The following ANKRD36B variants were observed in gnomAD, a reference collection of about 807,000 sequenced individuals.
The protein encoded by ANKRD36B is ankyrin repeat domain-containing protein 36B.
A neutral mutation model predicts 135.7 loss-of-function variants in ANKRD36B; 37 were observed. That is an observed-to-expected ratio of 0.27 (90% CI 0.21 to 0.36). ANKRD36B has a LOEUF of 0.36. Ranked by LOEUF, ANKRD36B falls within the 10% of genes least tolerant of loss-of-function variation. The pLI is 1.00. For missense variants in ANKRD36B, 549 were observed against 1,037.1 expected, an observed-to-expected ratio of 0.53 and a Z score of 6.46; for synonymous variants, 179 against 348.1, an observed-to-expected ratio of 0.51 and a Z score of 5.41.
At chr2:97,553,399 C>T (rs1262985699) in intron 14 of ANKRD36B, 28 bp from the exon 15 acceptor site, 5 of 1,601,540 alleles carry the variant, frequency 3.1e-6, no homozygotes, top group African/African-American at 1.3e-5. Context: ...TACATAATCA[C>T]TCATATGTAA....
In ANKRD36B at chr2:97,585,076, C is replaced by T. The variant is rs752014958; in HGVS notation, c.318G>A (p.Leu106=). 1 of 1,612,970 alleles carries T rather than the reference C, an allele frequency of 6.2e-7. No individual in the cohort carries two copies. Among genetic ancestry groups the T allele is most frequent in the African/African-American group, 1.3e-5 (1 of 74,844 alleles). The change falls in exon 3 of 44, where the codon CTG becomes CTA. Residue 106 remains leucine (L), a synonymous_variant. Coordinates refer to ENST00000359901, the MANE Select transcript of ANKRD36B (RefSeq NM_001393939.1). ...LRQEACATLL[L]QNGADPNITD... ...TAATATTTGGATCGGCGCCATTTTG[C>T]AGCAGAAGAGTTGCACAAGCCTCCT... is the stretch of plus-strand genomic sequence containing the variant.
At chr2:97,573,313 T>C (rs912952214) in intron 6 of ANKRD36B, among the ~76,000 whole-genome samples, 8 of 152,184 alleles carry the variant, frequency 5.3e-5, no homozygotes, top group African/African-American at 1.9e-4. Flanking sequence ...CAGTCTATCA[T>C]TGTTGGACAT....
chr2:97,561,166 T>C (rs2080991116), intron 6 of ANKRD36B, among the ~76,000 whole-genome samples: 1 of 151,840 alleles, frequency 6.6e-6, no homozygotes, highest in African/African-American at 2.4e-5. Context: ...TGAGGACAAA[T>C]GTGATCTAAA....
chr2:97,563,365 T>C (rs1057123880), intron 6 of ANKRD36B, among the ~76,000 whole-genome samples: 7 of 151,606 alleles, frequency 4.6e-5, no homozygotes, highest in Non-Finnish European at 8.8e-5. Context: ...GAAATAAATA[T>C]GGAACACAAA....
At chr2:97,546,724 G>C (rs747054010) in intron 22 of ANKRD36B, among the ~76,000 whole-genome samples, 1 of 151,664 alleles carries the variant, frequency 6.6e-6, no homozygotes, top group Non-Finnish European at 1.5e-5. Context: ...CTTTTTGGGA[G>C]GACCATGTTA....
intron 14 of ANKRD36B, among the ~76,000 whole-genome samples, 158 bp downstream of exon 14, chr2:97,554,902 C>T (rs931890917): frequency 6.6e-6 from 1 of 151,928 alleles, no homozygotes; most frequent in African/African-American, 2.4e-5. Context: ...AGACCAGCAG[C>T]ATCAGCATCA....
rs191139742 is a variant in ANKRD36B, at chr2:97,582,782, T to C, written c.450+2162A>G. On this transcript the variant is annotated intron_variant, in intron 3 of 43. Coordinates refer to ENST00000359901, the MANE Select transcript of ANKRD36B (RefSeq NM_001393939.1). ...TTAGTTTCAGATTTTTTTTCCAAAA[T>C]AGGCCCAAGAATGCAATAAAAATTG... Among the ~76,000 whole-genome samples the C allele has an allele frequency of 2.9e-3, 442 of 152,268 alleles. 1 individual carries two copies. Among genetic ancestry groups the C allele is most frequent in the African/African-American group, 0.01 (426 of 41,548 alleles).
chr2:97,549,375 T>C (rs1396727407), intron 20 of ANKRD36B, 44 bp downstream of exon 20: 5 of 1,525,780 alleles, frequency 3.3e-6, no homozygotes, highest in Non-Finnish European at 3.5e-6. Context: ...GAACTTCTTA[T>C]CTATCTGGAC....
rs768392377 is a variant in ANKRD36B at position 97,585,018 on chromosome 2, C to T, written c.376G>A (p.Ala126Thr). 2.5e-6 allele frequency: 4 copies of T among 1,610,606 alleles called. No individual in the cohort carries two copies. Among genetic ancestry groups the T allele is most frequent in the Non-Finnish European group, 3.4e-6 (4 of 1,179,562 alleles). ...ATGGATGTATCTTCATTATACACAG[C>T]GTAGTGCAGAGCAGTCCTTCCAAAG... Reference protein sequence around the residue: ...DVFGRTALHYAVYNEDTSMIE... With the variant: ...DVFGRTALHYTVYNEDTSMIE... Residue 126 changes from alanine (A) to threonine (T), a missense_variant, in exon 3 of 44, where the codon GCT becomes ACT. Physicochemically the swap from Ala to Thr is moderately conservative, Grantham distance 58 (BLOSUM62 0). Coordinates refer to ENST00000359901, the MANE Select transcript of ANKRD36B (RefSeq NM_001393939.1).
chr2:97,575,074 TCTTA>T (rs1453175836), intron 6 of ANKRD36B, among the ~76,000 whole-genome samples: 2 of 151,384 alleles, frequency 1.3e-5, no homozygotes, highest in African/African-American at 4.9e-5. Flanking sequence ...TTTTGAGTAA[TCTTA>T]CTTGTTAGAA....
intron 3 of ANKRD36B, among the ~76,000 whole-genome samples, chr2:97,581,895 C>A (rs535191307): frequency 5.9e-5 from 9 of 151,862 alleles, no homozygotes; most frequent in African/African-American, 2.2e-4. Flanking sequence ...CTCCGCCTCC[C>A]GGATTCAAGC....
rs2082878974 is a variant in ANKRD36B at position 97,585,006 on chromosome 2, C to T, written c.388G>A (p.Glu130Lys). The T allele has an allele frequency of 1.9e-6, 3 of 1,610,010 alleles. No individual in the cohort carries two copies. The highest frequency in any genetic ancestry group is 1.7e-5 in the Admixed American group (1 of 59,878). ...RTALHYAVYN[E>K]DTSMIEKLLS... ...AGTTTTTCTATCATGGATGTATCTT[C>T]ATTATACACAGCGTAGTGCAGAGCA... Residue 130 changes from glutamate (E) to lysine (K), a missense_variant, in exon 3 of 44, where the codon GAA becomes AAA. Coordinates refer to ENST00000359901, the MANE Select transcript of ANKRD36B (RefSeq NM_001393939.1).
intron 43 of ANKRD36B, among the ~76,000 whole-genome samples, chr2:97,494,134 T>C (rs1256528427): frequency 1.3e-4 from 14 of 106,020 alleles, no homozygotes; most frequent in Admixed American, 1.0e-3. Context: ...ACCCCACTCC[T>C]TGGTACTAAT....
At chr2:97,569,985 C>T (rs918568495) in intron 6 of ANKRD36B, among the ~76,000 whole-genome samples, 2 of 151,794 alleles carry the variant, frequency 1.3e-5, no homozygotes, top group Admixed American at 6.6e-5. Flanking sequence ...CAAAACTGAA[C>T]CATCTACATA....
intron 12 of ANKRD36B, among the ~76,000 whole-genome samples, chr2:97,555,560 G>A (rs1355455321): frequency 4.6e-5 from 7 of 151,848 alleles, no homozygotes; most frequent in Admixed American, 2.6e-4. Context: ...AAAATCAGAG[G>A]AGCAACTCAT....
chr2:97,576,113 A>G (rs1194410411), intron 6 of ANKRD36B, among the ~76,000 whole-genome samples: 1 of 150,706 alleles, frequency 6.6e-6, no homozygotes. Flanking sequence ...TAATAACTTA[A>G]AAATTTGTTT....
rs563510556 is a variant in ANKRD36B, at chr2:97,506,733, T to G, written c.*6+303A>C. On this transcript the variant is annotated intron_variant, in intron 43 of 43. Coordinates refer to ENST00000359901, the MANE Select transcript of ANKRD36B (RefSeq NM_001393939.1). ...TAATGCCTTTGTTTTGTGAGAACAG[T>G]TTCAGTGTGCAGGCTGATAGTCTAT... Among the ~76,000 whole-genome samples, 6 of 92,664 alleles carry G rather than the reference T, an allele frequency of 6.5e-5. No homozygotes were observed. The South Asian group carries it at 1.2e-3, about 18-fold the overall frequency. 60.8% of individuals were successfully genotyped at this position (92,664 alleles called of 152,430 possible).
intron 43 of ANKRD36B, among the ~76,000 whole-genome samples, chr2:97,493,837 C>G (rs995335603): frequency 1.2e-5 from 1 of 82,786 alleles, no homozygotes; most frequent in Non-Finnish European, 3.6e-5. Context: ...ATTAGAATAA[C>G]CAAAATCTAG....
chr2:97,574,442 GACT>G (rs2082095680), intron 6 of ANKRD36B, among the ~76,000 whole-genome samples: 1 of 152,166 alleles, frequency 6.6e-6, no homozygotes, highest in South Asian at 2.1e-4. Context: ...CTGTTGGTGG[GACT>G]GTAAACTAGT....
Sources: allele counts gnomAD v4.1 joint callset (sites outside exome capture counted in the v4.1 genomes callset), GRCh38; gene constraint gnomAD v4.1.1; transcripts MANE v1.5; gene names NCBI Gene and HGNC (gene_info 2026-07-23, HGNC 2026-07-21).